Variants in AGMO observed in about 807,000 individuals in gnomAD.
The protein encoded by AGMO is alkylglycerol monooxygenase, also known as glyceryl-ether monooxygenase.
In AGMO, 75 loss-of-function variants were observed where a neutral mutation model predicts 60.2. The observed-to-expected ratio is 1.25, with a 90% CI of 1.03 to 1.51. The LOEUF (loss-of-function observed/expected upper bound fraction) is 1.51, where lower values mean the gene tolerates loss of function less well. Among genes scored for constraint, AGMO ranks in the 40% most tolerant of loss-of-function variants. AGMO has a pLI of 0.00. For synonymous variants in AGMO, 261 were observed against 177.1 expected (o/e 1.47, Z -3.76); for missense variants, 763 against 525.5 (o/e 1.45, Z -4.42).
intron 11 of AGMO, 58 bp from the exon 12 acceptor site, chr7:15,365,677 A>G (rs1381348013): frequency 1.5e-5 from 16 of 1,070,076 alleles, no homozygotes; most frequent in Non-Finnish European, 4.1e-6. Flanking sequence ...ATATGTTCAC[A>G]TGTTATAATT....
intron 3 of AGMO, among the ~76,000 whole-genome samples, chr7:15,543,919 A>G (rs1342662817): frequency 6.6e-6 from 1 of 151,722 alleles, no homozygotes; most frequent in African/African-American, 2.4e-5. Flanking sequence ...TTACCTTCCT[A>G]CCAACGGTAT....
the AGMO span, among the ~76,000 whole-genome samples, chr7:15,175,765 C>G: frequency 0.14 from 21,059 of 151,762 alleles, 1,604 homozygotes; most frequent in African/African-American, 0.2. Flanking sequence ...TTAAGGAAAG[C>G]ATAGTATATA....
At position 15,393,476 on chromosome 7, in the gene AGMO, C is replaced by G. The variant is rs1183037015; in HGVS notation, c.676+637G>C. 2.6e-5 allele frequency among the ~76,000 whole-genome samples: 4 copies of G among 152,190 alleles called. No homozygotes were observed. In the South Asian group the frequency reaches 6.2e-4, roughly 24 times the overall value. ...AATATAAGATTTATCTATTCTACTG[C>G]TGAAAAACATTTGAATTATTTCTAT... On this transcript the variant is annotated intron_variant, in intron 6 of 12. Coordinates refer to ENST00000342526, the MANE Select transcript of AGMO (RefSeq NM_001004320.2).
the AGMO span, among the ~76,000 whole-genome samples, chr7:15,139,820 C>CAAAAAAAAAA: frequency 2.0e-4 from 13 of 66,218 alleles, no homozygotes; most frequent in South Asian, 5.6e-4. Context: ...TCTCAAAAGA[C>CAAAAAAAAAA]AAAAAAAAAA....
chr7:15,357,116 A>G (rs1232153358), intron 12 of AGMO, among the ~76,000 whole-genome samples: 1 of 151,848 alleles, frequency 6.6e-6, no homozygotes, highest in Non-Finnish European at 1.5e-5. Context: ...TCTCATGAAA[A>G]AAAAAAAGAA....
the AGMO span, among the ~76,000 whole-genome samples, chr7:15,177,469 A>G: frequency 1.3e-5 from 2 of 152,042 alleles, no homozygotes; most frequent in African/African-American, 2.4e-5. Flanking sequence ...AGTGGTTTGT[A>G]CCTCAATCTC....
the AGMO span, among the ~76,000 whole-genome samples, chr7:15,158,877 A>C: frequency 2.0e-5 from 3 of 152,212 alleles, no homozygotes; most frequent in East Asian, 3.8e-4. Flanking sequence ...CAAGGCTGCA[A>C]GTAAATTTTA....
intron 12 of AGMO, among the ~76,000 whole-genome samples, chr7:15,222,543 A>C (rs1781953113): frequency 6.6e-6 from 1 of 152,126 alleles, no homozygotes; most frequent in Admixed American, 6.6e-5. Flanking sequence ...AGAAATGGTC[A>C]GTAGTTATTA....
intron 12 of AGMO, among the ~76,000 whole-genome samples, chr7:15,354,532 A>G (rs1157398436): frequency 6.7e-5 from 7 of 105,058 alleles, no homozygotes; most frequent in African/African-American, 2.1e-4. Context: ...ATATATATAT[A>G]TATATATAGC....
intron 12 of AGMO, among the ~76,000 whole-genome samples, chr7:15,323,017 ATTTT>A (rs781551233): frequency 0.76 from 112,716 of 148,874 alleles, 43,165 homozygotes; most frequent in African/African-American, 0.86. Context: ...AAGAAAGGAA[ATTTT>A]GTAGGTCGTT....
chr7:15,382,643 T>C (rs117423086), intron 10 of AGMO, among the ~76,000 whole-genome samples: 8,282 of 152,276 alleles, frequency 0.054, 354 homozygotes, highest in Middle Eastern at 0.082. Flanking sequence ...TATTTTATGA[T>C]AACAAAATCC....
chr7:15,301,237 G>C (rs905125827), intron 12 of AGMO, among the ~76,000 whole-genome samples: 2 of 151,984 alleles, frequency 1.3e-5, no homozygotes, highest in African/African-American at 4.8e-5. Flanking sequence ...TCAGGAGTTC[G>C]AGACCAGGCT....
intron 3 of AGMO, among the ~76,000 whole-genome samples, chr7:15,502,178 G>A (rs1351543035): frequency 6.6e-6 from 1 of 151,978 alleles, no homozygotes; most frequent in Admixed American, 6.6e-5. Flanking sequence ...TGAATTATAT[G>A]ACCCAAGTTT....
intron 9 of AGMO, among the ~76,000 whole-genome samples, chr7:15,385,811 G>A (rs1045120435): frequency 1.3e-5 from 2 of 152,146 alleles, no homozygotes; most frequent in African/African-American, 4.8e-5. Flanking sequence ...AATAAAGAGA[G>A]CCAAAATGCA....
chr7:15,375,678 A>G (rs1783422338), intron 10 of AGMO, among the ~76,000 whole-genome samples: 1 of 152,110 alleles, frequency 6.6e-6, no homozygotes, highest in African/African-American at 2.4e-5. Context: ...TTACAGGCGT[A>G]AGCCACTGTG....
chr7:15,479,069 T>C (rs1377003769), intron 3 of AGMO, among the ~76,000 whole-genome samples: 3 of 152,192 alleles, frequency 2.0e-5, no homozygotes, highest in East Asian at 1.9e-4. Context: ...TGTTCATGCA[T>C]AGTTTTCATC....
intron 12 of AGMO, among the ~76,000 whole-genome samples, chr7:15,284,740 T>A (rs1288381900): frequency 6.6e-6 from 1 of 151,924 alleles, no homozygotes; most frequent in Non-Finnish European, 1.5e-5. Flanking sequence ...ATCACCCTGA[T>A]ACCAACACTA....
rs574693841 is a variant in AGMO at position 15,303,290 on chromosome 7, T to A, written c.1263+62224A>T. ...ATCTATCCCCTAAATTTTAATTAAA[T>A]GTCAGATTTTCTGTATTTTTGGCTT... On this transcript the variant is annotated intron_variant, in intron 12 of 12. Coordinates refer to ENST00000342526, the MANE Select transcript of AGMO (RefSeq NM_001004320.2). 9.9e-5 allele frequency among the ~76,000 whole-genome samples: 15 copies of A among 152,268 alleles called. No individual in the cohort carries two copies. In the South Asian group the frequency reaches 3.1e-3, roughly 32 times the overall value.
At chr7:15,351,200 G>A (rs1158509715) in intron 12 of AGMO, among the ~76,000 whole-genome samples, 1 of 152,096 alleles carries the variant, frequency 6.6e-6, no homozygotes, top group East Asian at 1.9e-4. Flanking sequence ...TGCATAATGG[G>A]AAAGGGTCCT....
Sources: gnomAD v4.1 joint callset for allele counts (sites outside exome capture counted in the v4.1 genomes callset) on GRCh38, gnomAD v4.1.1 for gene constraint, MANE v1.5 for transcripts, NCBI Gene and HGNC (gene_info 2026-07-23, HGNC 2026-07-21) for gene names.